Variants in SMG7 observed in about 807,000 individuals in gnomAD.
The protein encoded by SMG7 is nonsense-mediated mRNA decay factor SMG7.
In SMG7, 34 loss-of-function variants were observed where a neutral mutation model predicts 148.2. That is an observed-to-expected ratio of 0.23 (90% CI 0.17 to 0.31). SMG7 has a LOEUF of 0.31. Among genes scored for constraint, SMG7 ranks in the 10% least tolerant of loss-of-function variants. The probability of loss-of-function intolerance (pLI) is 1.00; values close to 1 mark genes in which losing one functional copy is unlikely to be tolerated. For synonymous variants in SMG7, 492 were observed against 515.1 expected (o/e 0.96, Z 0.61); for missense variants, 1,114 against 1,408.4 (o/e 0.79, Z 3.35).
chr1:183,553,608 G>GCCCCACCCCCCCCCCC lies in SMG7; in HGVS notation c.*1681_*1682insACCCCCCCCCCCCCCC, dbSNP rs1671401437. On this transcript the variant is annotated 3_prime_UTR_variant, in exon 23 of 23. Transcript: ENST00000688051. ...TTGCTCTTCAGAGAGAGTGGTTGGA[G>GCCCCACCCCCCCCCCC]CCCCCCCCGCCCCGTATGCTTACAT... 7.8e-6 allele frequency: 1 copy of GCCCCACCCCCCCCCCC among 128,298 alleles called. No homozygotes were observed. The highest frequency in any genetic ancestry group is 9.0e-5 in the Admixed American group (1 of 11,096). 7.9% of individuals were successfully genotyped at this position (128,298 alleles called of 1,614,324 possible).
chr1:183,535,017 T>C (rs1023968881), intron 10 of SMG7, among the ~76,000 whole-genome samples: 2 of 152,176 alleles, frequency 1.3e-5, no homozygotes, highest in African/African-American at 4.8e-5. Context: ...GTTTTAGTAA[T>C]ACGGATTTTC....
At chr1:183,541,959 C>A (rs1467280669) in intron 13 of SMG7, 117 bp from the exon 14 acceptor site, 2 of 821,638 alleles carry the variant, frequency 2.4e-6, no homozygotes, top group Admixed American at 2.8e-5. Flanking sequence ...ATTGTTATAT[C>A]CTGCTGTTTT....
intron 4 of SMG7, among the ~76,000 whole-genome samples, chr1:183,523,992 C>A (rs1168670224): frequency 1.3e-5 from 2 of 149,954 alleles, no homozygotes; most frequent in Admixed American, 6.6e-5. Context: ...TTGTTCCTGC[C>A]CTGTGCCTTG....
At position 183,542,950 on chromosome 1, in the gene SMG7, T is replaced by TGC. The variant is rs1247944648; in HGVS notation, c.1842+449_1842+450insCG. Among the ~76,000 whole-genome samples the TGC allele has an allele frequency of 1.3e-3, 191 of 149,268 alleles. 19 individuals are homozygous for TGC. The Middle Eastern group carries it at 0.018, about 14-fold the overall frequency. ...ATATGTGTGTGTGTGTGTGTGTGTG[T>TGC]GTGTGTGTGTGTGTGTGTGTATTTT... On this transcript the variant is annotated intron_variant, in intron 14 of 22. Coordinates refer to ENST00000688051, the MANE Select transcript of SMG7 (RefSeq NM_001375584.1).
At position 183,545,288 on chromosome 1, in the gene SMG7, G is replaced by T. The variant is rs567875121; in HGVS notation, c.2346G>T (p.Pro782=). The part of the protein sequence containing the change: ...TKAVPALGKS[P]PHHSGFQQYQ... The stretch of plus-strand genomic sequence containing the variant: ...CTGTGCCGGCTTTGGGGAAAAGCCC[G>T]CCTCACCACTCTGGATTCCAGCAGG... Residue 782 remains proline (P), a synonymous_variant, in exon 16 of 23, where the codon CCG becomes CCT. Transcript: ENST00000688051. 3.1e-6 allele frequency: 5 copies of T among 1,610,992 alleles called. No individual in the cohort carries two copies. The South Asian group carries it at 4.4e-5, about 14-fold the overall frequency.
intron 1 of SMG7, among the ~76,000 whole-genome samples, chr1:183,485,286 CATAAT>C (rs765312297): frequency 6.6e-6 from 1 of 152,050 alleles, no homozygotes; most frequent in Non-Finnish European, 1.5e-5. Flanking sequence ...TTATATAAAA[CATAAT>C]GTAATATGTA....
At chr1:183,535,604 T>G (rs554523362) in intron 10 of SMG7, among the ~76,000 whole-genome samples, 1 of 152,332 alleles carries the variant, frequency 6.6e-6, no homozygotes, top group East Asian at 1.9e-4. Context: ...ACTCAGAATT[T>G]TATGTATATT....
intron 1 of SMG7, among the ~76,000 whole-genome samples, chr1:183,482,726 A>G (rs1223813041): frequency 6.6e-6 from 1 of 152,184 alleles, no homozygotes; most frequent in Non-Finnish European, 1.5e-5. Flanking sequence ...AAACTATCAT[A>G]GGTAAATCTG....
intron 12 of SMG7, 61 bp from the exon 13 acceptor site, chr1:183,540,923 G>C: frequency 1.9e-6 from 3 of 1,566,650 alleles, no homozygotes; most frequent in Non-Finnish European, 2.6e-6. Context: ...GGTGAACTTG[G>C]TTGCCTGGAA....
At chr1:183,501,631 T>C (rs1156517839) in intron 1 of SMG7, among the ~76,000 whole-genome samples, 1 of 152,196 alleles carries the variant, frequency 6.6e-6, no homozygotes, top group Non-Finnish European at 1.5e-5. Flanking sequence ...AAAGCCATGC[T>C]TTTAACCACT....
intron 1 of SMG7, among the ~76,000 whole-genome samples, chr1:183,481,384 T>C (rs928490135): frequency 1.3e-5 from 2 of 152,220 alleles, no homozygotes; most frequent in Admixed American, 6.5e-5. Flanking sequence ...CTTTAAACTT[T>C]GTAGCATTTC....
Position 183,544,361 on chromosome 1 carries a change from C to T in SMG7, c.1851C>T (p.Ser617=), listed in dbSNP as rs1237930673. The T allele has an allele frequency of 1.2e-6, 2 of 1,613,394 alleles. No homozygotes were observed. The highest frequency in any genetic ancestry group is 3.3e-5 in the Admixed American group (2 of 59,980). The change falls in exon 15 of 23, where the codon TCC becomes TCT. Residue 617 remains serine, a synonymous_variant. Transcript: ENST00000688051. ...GKQNVAVQVK[S]QTELRKTPVS... is the part of the protein sequence containing the mutation. ...GCTTCTATTGGTTACAGGTAAAATCCCAGACAGAACTAAGAAAGACTCCAG... is the reference window on the plus strand; with the variant it reads ...GCTTCTATTGGTTACAGGTAAAATCTCAGACAGAACTAAGAAAGACTCCAG...
intron 16 of SMG7, among the ~76,000 whole-genome samples, chr1:183,545,749 A>G (rs1045053117): frequency 5.9e-5 from 9 of 152,184 alleles, no homozygotes; most frequent in Admixed American, 5.9e-4. Context: ...TAAACCTCTT[A>G]AATAGTTGAA....
chr1:183,505,493 C>T (rs1183866046), intron 1 of SMG7, among the ~76,000 whole-genome samples: 1 of 152,122 alleles, frequency 6.6e-6, no homozygotes, highest in Non-Finnish European at 1.5e-5. Context: ...ACTAGCTCCA[C>T]CCTTCTGAGT....
intron 10 of SMG7, among the ~76,000 whole-genome samples, chr1:183,536,015 G>A (rs1250910126): frequency 2.0e-5 from 3 of 152,016 alleles, no homozygotes; most frequent in Non-Finnish European, 2.9e-5. Flanking sequence ...CCATATTTCA[G>A]AGTGTACAAC....
At chr1:183,495,857 A>G (rs577857838) in intron 1 of SMG7, among the ~76,000 whole-genome samples, 1 of 151,776 alleles carries the variant, frequency 6.6e-6, no homozygotes, top group South Asian at 2.1e-4. Context: ...GACGAGCAAG[A>G]CCTTTTCTCA....
chr1:183,527,942 T>A lies in SMG7; in HGVS notation c.485-14T>A. The A allele has an allele frequency of 6.2e-7, 1 of 1,610,546 alleles. No individual in the cohort carries two copies. Among genetic ancestry groups the A allele is most frequent in the Non-Finnish European group, 8.5e-7 (1 of 1,177,750 alleles). Reference sequence around the variant, plus strand: ...GTTTTTTGGGTTTTTTAAAACTAATTTTCTTCTTCTTAGCTCGATACAGAA... The same window carrying A: ...GTTTTTTGGGTTTTTTAAAACTAATATTCTTCTTCTTAGCTCGATACAGAA... On this transcript the variant is annotated splice_polypyrimidine_tract_variant and intron_variant, in intron 5 of 22. Coordinates refer to ENST00000688051, the MANE Select transcript of SMG7 (RefSeq NM_001375584.1). This position sits in a 1 kb window ranked among gnomAD's most constrained non-coding sequence, Gnocchi z 4.0.
At chr1:183,537,108 A>G in intron 10 of SMG7, 37 bp from the exon 11 acceptor site, 2 of 1,475,508 alleles carry the variant, frequency 1.4e-6, no homozygotes. Flanking sequence ...TTTCTCTTAC[A>G]TAAAAATAAA....
Position 183,543,243 on chromosome 1 carries a change from ATACT to A in SMG7, c.1842+744_1842+747del, listed in dbSNP as rs1669257407. On this transcript the variant is annotated intron_variant, in intron 14 of 22. Coordinates refer to ENST00000688051, the MANE Select transcript of SMG7 (RefSeq NM_001375584.1). Reference sequence around the variant, plus strand: ...ATTAATACTATTAATGTTTGAATAAATACTTAAGCAGCCATGTGAGTTGTTAACA... The same window carrying A: ...ATTAATACTATTAATGTTTGAATAAATAAGCAGCCATGTGAGTTGTTAACA... Among the ~76,000 whole-genome samples the A allele has an allele frequency of 2.6e-5, 4 of 152,172 alleles. No homozygotes were observed. In the South Asian group the frequency reaches 8.3e-4, roughly 32 times the overall value.
Sources: gnomAD v4.1 joint callset for allele counts (sites outside exome capture counted in the v4.1 genomes callset) on GRCh38, gnomAD v4.1.1 for gene constraint, Gnocchi (gnomAD v3.1) non-coding constraint, MANE v1.5 for transcripts, NCBI Gene and HGNC (gene_info 2026-07-23, HGNC 2026-07-21) for gene names.